LRFN2: variants seen among roughly 807,000 people sequenced by gnomAD.
The protein encoded by LRFN2 is leucine rich repeat and fibronectin type III domain containing 2, also known as leucine-rich repeat and fibronectin type-III domain-containing protein 2.
A neutral mutation model predicts 37.3 loss-of-function variants in LRFN2; 18 were observed. The observed-to-expected ratio is 0.48, with a 90% CI of 0.33 to 0.72. The LOEUF is 0.72. Among genes scored for constraint, LRFN2 ranks in the 30% least tolerant of loss-of-function variants. LRFN2 has a pLI of 0.02. For missense variants in LRFN2, 1,006 were observed against 1,060.7 expected (o/e 0.95, Z 0.72); for synonymous variants, 556 against 466.6 (o/e 1.19, Z -2.47).
At chr6:40,412,159 C>T (rs1296861291) in intron 2 of LRFN2, among the ~76,000 whole-genome samples, 4 of 152,062 alleles carry the variant, frequency 2.6e-5, no homozygotes, top group African/African-American at 7.2e-5. Flanking sequence ...GTGAAGACTG[C>T]GTGAGTGATC....
In LRFN2 at chr6:40,433,098, C is replaced by G. The variant is rs149178002; in HGVS notation, c.16G>C (p.Gly6Arg). 5.0e-5 allele frequency: 76 copies of G among 1,524,298 alleles called. 2 individuals are homozygous for G. The Middle Eastern group carries it at 4.8e-3, about 96-fold the overall frequency. The allele number at this position is 1,524,298 out of a possible 1,614,324, so 94.4% of individuals were successfully genotyped here. A position where few individuals can be genotyped will look rare whatever the true frequency, so the allele number is the denominator to read the frequency against. ...GCCATGCCAAACGCTAGCAGGCCAC[C>G]AAGCAGGGTCTCCATGGTCTGGTCA... is the stretch of plus-strand genomic sequence containing the variant. METLL[G>R]GLLAFGMAFA... The change falls in exon 2 of 3, where the codon GGT (glycine) becomes CGT (arginine). Residue 6 changes from glycine to arginine, a missense_variant. Physicochemically the swap from Gly to Arg is moderately radical, Grantham distance 125. This residue lies in a region of LRFN2 where 185 missense variants were observed against 254.9 expected (regional missense o/e 0.73). Transcript: ENST00000338305.
intron 1 of LRFN2, among the ~76,000 whole-genome samples, chr6:40,544,277 C>T (rs1408323255): frequency 6.6e-6 from 1 of 152,218 alleles, no homozygotes; most frequent in Non-Finnish European, 1.5e-5. Context: ...CCCATTGATG[C>T]CAGGCATGAA....
At chr6:40,435,617 C>T (rs1763650344) in intron 1 of LRFN2, among the ~76,000 whole-genome samples, 1 of 152,216 alleles carries the variant, frequency 6.6e-6, no homozygotes, top group East Asian at 1.9e-4. Flanking sequence ...CAGCTCACTG[C>T]AACCTCTGCC....
chr6:40,583,887 T>TG (rs369002834), intron 1 of LRFN2, among the ~76,000 whole-genome samples: 7 of 152,112 alleles, frequency 4.6e-5, no homozygotes, highest in South Asian at 4.2e-4. Context: ...TGGCGGCGGT[T>TG]GGGGGGGTAT....
chr6:40,421,900 C>T (rs75727982), intron 2 of LRFN2, among the ~76,000 whole-genome samples: 16,810 of 152,226 alleles, frequency 0.11, 1,023 homozygotes, highest in Non-Finnish European at 0.13. Flanking sequence ...TCTTCTTTCA[C>T]GCTTTGTCAT....
chr6:40,518,847 TG>T (rs1561891720), intron 1 of LRFN2, among the ~76,000 whole-genome samples: 1 of 152,156 alleles, frequency 6.6e-6, no homozygotes, highest in African/African-American at 2.4e-5. Context: ...AGAGAAGTGA[TG>T]CTTGAACTGA....
rs542537646 is a variant in LRFN2 at position 40,410,620 on chromosome 6, T to C, written c.1401-17708A>G. Among the ~76,000 whole-genome samples the C allele has an allele frequency of 7.7e-4, 117 of 152,328 alleles. 1 individual carries two copies. Among genetic ancestry groups the C allele is most frequent in the Non-Finnish European group, 1.3e-3 (90 of 68,030 alleles). On this transcript the variant is annotated intron_variant, in intron 2 of 2. Transcript: ENST00000338305. Reference sequence around the variant, plus strand: ...ATACAATATATACTCAATAAATCATTTATATATATAGTGAATGCTTACATA... The same window carrying C: ...ATACAATATATACTCAATAAATCATCTATATATATAGTGAATGCTTACATA...
At chr6:40,407,174 C>G (rs1383321816) in intron 2 of LRFN2, among the ~76,000 whole-genome samples, 1 of 152,014 alleles carries the variant, frequency 6.6e-6, no homozygotes, top group Non-Finnish European at 1.5e-5. Context: ...AGGCCTGCCT[C>G]TCTCTCTCTC....
intron 1 of LRFN2, among the ~76,000 whole-genome samples, chr6:40,572,576 A>G (rs1199098386): frequency 2.6e-5 from 4 of 152,246 alleles, no homozygotes; most frequent in African/African-American, 9.6e-5. Flanking sequence ...CCAGCCCAGC[A>G]GGCTGCCTGG....
chr6:40,524,503 A>G (rs682596), intron 1 of LRFN2, among the ~76,000 whole-genome samples: 103,057 of 151,534 alleles, frequency 0.68, 36,444 homozygotes, highest in African/African-American at 0.88. Flanking sequence ...CTGTGAAGTA[A>G]ATAAAGCTTG....
intron 1 of LRFN2, among the ~76,000 whole-genome samples, chr6:40,482,638 A>G (rs560249380): frequency 2.0e-5 from 3 of 152,316 alleles, no homozygotes; most frequent in South Asian, 4.1e-4. Flanking sequence ...AACATCTGCC[A>G]GCTCCTCTGA....
chr6:40,485,786 A>C (rs1764943203), intron 1 of LRFN2, among the ~76,000 whole-genome samples: 1 of 152,262 alleles, frequency 6.6e-6, no homozygotes. Context: ...CTGACCAGCC[A>C]CGGGTCTTGA....
At chr6:40,449,468 C>A (rs1764052505) in intron 1 of LRFN2, among the ~76,000 whole-genome samples, 1 of 152,158 alleles carries the variant, frequency 6.6e-6, no homozygotes, top group Admixed American at 6.5e-5. Context: ...TATGTGATGA[C>A]CCACAAGTAT....
chr6:40,439,128 A>C (rs953701385), intron 1 of LRFN2, among the ~76,000 whole-genome samples: 1 of 152,112 alleles, frequency 6.6e-6, no homozygotes, highest in South Asian at 2.1e-4. Flanking sequence ...AAGAGGCAAC[A>C]GTTAGCAGAT....
Position 40,432,448 on chromosome 6 carries a change from C to A in LRFN2, c.666G>T (p.Gln222His). 1 of 1,614,182 alleles carries A rather than the reference C, an allele frequency of 6.2e-7. No homozygotes were observed. ...AGGGTGTGGCTGTCAAAGCCGAAGC[C>A]TGGGAGCGGGCAAAGATGGGATCAG... ...LPPDPIFARS[Q>H]ASALTATPFA... The change falls in exon 2 of 3, where the codon CAG (glutamine) becomes CAT (histidine). Residue 222 changes from glutamine to histidine, a missense_variant. Gln to His is a conservative substitution (Grantham distance 24). Around this residue, in one of 4 missense-constraint regions of LRFN2, gnomAD observed 303 missense variants for 299.8 expected, o/e 1.01. Coordinates refer to ENST00000338305, the MANE Select transcript of LRFN2 (RefSeq NM_020737.3).
chr6:40,512,418 AG>A (rs1353846319), intron 1 of LRFN2, among the ~76,000 whole-genome samples: 1 of 152,260 alleles, frequency 6.6e-6, no homozygotes, highest in Admixed American at 6.5e-5. Flanking sequence ...TTAGGGACAC[AG>A]AAAAATATGG....
intron 1 of LRFN2, among the ~76,000 whole-genome samples, chr6:40,524,510 C>G (rs1048193835): frequency 3.9e-5 from 6 of 152,054 alleles, no homozygotes; most frequent in African/African-American, 1.4e-4. Flanking sequence ...GTAAATAAAG[C>G]TTGGCCTCTG....
At chr6:40,506,467 C>T (rs773449164) in intron 1 of LRFN2, among the ~76,000 whole-genome samples, 4 of 152,240 alleles carry the variant, frequency 2.6e-5, no homozygotes, top group Non-Finnish European at 4.4e-5. Context: ...AATCTACATT[C>T]TATATATTCT....
At chr6:40,527,951 A>T (rs1766283021) in intron 1 of LRFN2, among the ~76,000 whole-genome samples, 1 of 152,204 alleles carries the variant, frequency 6.6e-6, no homozygotes, top group South Asian at 2.1e-4. Context: ...AATGTCTTAA[A>T]CACACAAACT....
Sources: gnomAD v4.1 joint callset for allele counts (sites outside exome capture counted in the v4.1 genomes callset) on GRCh38, gnomAD v4.1.1 for gene constraint, gnomAD v4.1.1 regional missense constraint, MANE v1.5 for transcripts, NCBI Gene and HGNC (gene_info 2026-07-23, HGNC 2026-07-21) for gene names.